ELP4: variants seen among roughly 807,000 people sequenced by gnomAD.
ELP4 encodes elongator complex protein 4.
In ELP4, 51 loss-of-function variants were observed where a neutral mutation model predicts 48.9. The observed-to-expected ratio is 1.04, with a 90% CI of 0.83 to 1.32. The LOEUF (loss-of-function observed/expected upper bound fraction) is 1.32. ELP4 is among the 40% of genes most tolerant of loss of function. ELP4 has a pLI of 0.00. For synonymous variants in ELP4, 210 were observed against 189.2 expected (o/e 1.11, Z -0.90); for missense variants, 519 against 514.6 (o/e 1.01, Z -0.08).
intron 9 of ELP4, among the ~76,000 whole-genome samples, chr11:31,695,302 C>A (rs1049384538): frequency 6.6e-6 from 1 of 151,972 alleles, no homozygotes; most frequent in African/African-American, 2.4e-5. Flanking sequence ...TTTGTCATAA[C>A]TAGCTCTTAT....
chr11:31,550,970 G>A (rs977429068), intron 3 of ELP4, among the ~76,000 whole-genome samples: 11 of 151,926 alleles, frequency 7.2e-5, no homozygotes, highest in Non-Finnish European at 1.3e-4. Context: ...TTTTTCTTCC[G>A]GATCATACTG....
At chr11:31,740,523 T>C (rs1035576735) in intron 9 of ELP4, among the ~76,000 whole-genome samples, 4 of 152,190 alleles carry the variant, frequency 2.6e-5, no homozygotes, top group African/African-American at 9.6e-5. Flanking sequence ...TGCAATTAAG[T>C]CTGTGGTGCC....
Position 31,540,482 on chromosome 11 carries a change from AT to A in ELP4, c.381+707del, listed in dbSNP as rs533020484. Among the ~76,000 whole-genome samples, 552 of 152,046 alleles carry A rather than the reference AT, an allele frequency of 3.6e-3. 2 individuals are homozygous for A. The highest frequency in any genetic ancestry group is 0.012 in the African/African-American group (506 of 41,474). On this transcript the variant is annotated intron_variant, in intron 3 of 9. Coordinates refer to ENST00000640961, the MANE Select transcript of ELP4 (RefSeq NM_019040.5). ...CCATTTTTACTGCAAGCTTTAGGCAATTTTTTTTCTTTTAATTTTGAAGAGA... is the reference window on the plus strand; with the variant it reads ...CCATTTTTACTGCAAGCTTTAGGCAATTTTTTTCTTTTAATTTTGAAGAGA...
intron 5 of ELP4, among the ~76,000 whole-genome samples, chr11:31,619,344 C>T (rs917674793): frequency 3.3e-5 from 5 of 151,964 alleles, no homozygotes; most frequent in South Asian, 2.1e-4. Context: ...TTTGGCTACA[C>T]GTGCTGAGAA....
At chr11:31,709,934 GC>G (rs1240613075) in intron 9 of ELP4, among the ~76,000 whole-genome samples, 1 of 152,132 alleles carries the variant, frequency 6.6e-6, no homozygotes, top group African/African-American at 2.4e-5. Flanking sequence ...CTCTGATCAT[GC>G]TATTATATAC....
intron 3 of ELP4, among the ~76,000 whole-genome samples, chr11:31,569,039 C>T (rs1219762743): frequency 1.3e-5 from 2 of 150,988 alleles, no homozygotes; most frequent in Non-Finnish European, 2.9e-5. Context: ...GAGCCGAGAT[C>T]GTGCCACTGC....
At chr11:31,761,751 A>G (rs1947950748) in intron 9 of ELP4, among the ~76,000 whole-genome samples, 1 of 152,194 alleles carries the variant, frequency 6.6e-6, no homozygotes, top group African/African-American at 2.4e-5. Flanking sequence ...GACAGTTGGC[A>G]TGTATGTAGG....
chr11:31,538,696 A>G (rs1183892277), intron 2 of ELP4, among the ~76,000 whole-genome samples: 1 of 151,766 alleles, frequency 6.6e-6, no homozygotes, highest in Non-Finnish European at 1.5e-5. Flanking sequence ...TCTAATATAA[A>G]TGTATATTCT....
intron 3 of ELP4, among the ~76,000 whole-genome samples, chr11:31,553,725 AACACACACACACACACAC>A (rs56921821): frequency 2.8e-5 from 4 of 140,502 alleles, no homozygotes; most frequent in South Asian, 4.6e-4. Flanking sequence ...TGCACACACA[AACACACACACACACACAC>A]ACACACACAC....
At chr11:31,647,892 T>C in intron 8 of ELP4, 43 bp downstream of exon 8, 1 of 1,195,510 alleles carries the variant, frequency 8.4e-7, no homozygotes, top group Non-Finnish European at 1.2e-6. Flanking sequence ...AGCAGGCTGC[T>C]TCTAGGTTAC....
rs758287500 is a variant in ELP4, at chr11:31,509,888, G to C, written c.104G>C (p.Arg35Thr). ...NVTSFQRRGP[R>T]ASVTNDSGPR... The stretch of plus-strand genomic sequence containing the variant: ...ACCAGTTTCCAGAGGAGGGGTCCTA[G>C]AGCCAGCGTGACCAACGACAGCGGC... Residue 35 changes from arginine (R) to threonine (T), a missense_variant, in exon 1 of 10, where the codon AGA (arginine) becomes ACA (threonine). Physicochemically the swap from Arg to Thr is moderately conservative, Grantham distance 71. Coordinates refer to ENST00000640961, the MANE Select transcript of ELP4 (RefSeq NM_019040.5). 5 of 1,614,162 alleles carry C rather than the reference G, an allele frequency of 3.1e-6. No homozygotes were observed. In the East Asian group the frequency reaches 1.1e-4, roughly 36 times the overall value.
intron 9 of ELP4, among the ~76,000 whole-genome samples, chr11:31,660,803 C>T (rs1050212123): frequency 2.0e-5 from 3 of 151,610 alleles, no homozygotes; most frequent in Non-Finnish European, 4.4e-5. Context: ...ATTTGTCATG[C>T]ATAAGTATGA....
chr11:31,612,294 A>G (rs557888022), intron 5 of ELP4, among the ~76,000 whole-genome samples: 1 of 152,354 alleles, frequency 6.6e-6, no homozygotes, highest in African/African-American at 2.4e-5. Flanking sequence ...TAGTGAAATA[A>G]TAGGCATAGC....
chr11:31,732,962 CAAT>C (rs1309666300), intron 9 of ELP4, among the ~76,000 whole-genome samples: 1 of 152,034 alleles, frequency 6.6e-6, no homozygotes, highest in Non-Finnish European at 1.5e-5. Context: ...TGCAGCAAGA[CAAT>C]AATAGTAGGA....
intron 3 of ELP4, among the ~76,000 whole-genome samples, chr11:31,561,866 G>A (rs1957030138): frequency 6.6e-6 from 1 of 152,142 alleles, no homozygotes; most frequent in African/African-American, 2.4e-5. Context: ...CATACTACAT[G>A]CAGGGTTGTT....
chr11:31,528,477 T>C (rs373187981), intron 2 of ELP4, among the ~76,000 whole-genome samples: 31 of 152,178 alleles, frequency 2.0e-4, no homozygotes, highest in African/African-American at 6.5e-4. Context: ...AAATTTGCTA[T>C]TTTACTTTTC....
In ELP4 at chr11:31,732,481, A is replaced by AT. The variant is rs577847187; in HGVS notation, c.1144-50912_1144-50911insT. Among the ~76,000 whole-genome samples the AT allele has an allele frequency of 7.7e-4, 112 of 146,000 alleles. 1 individual carries two copies. The highest frequency in any genetic ancestry group is 2.3e-3 in the South Asian group (11 of 4,800). ...CAAAGCATGTCACTAAAAAAAAAAAAAATAAATGAAAACAGAAAGGAAAAC... is the reference window on the plus strand; with the variant it reads ...CAAAGCATGTCACTAAAAAAAAAAAATAATAAATGAAAACAGAAAGGAAAAC... On this transcript the variant is annotated intron_variant, in intron 9 of 9. Coordinates refer to ENST00000640961, the MANE Select transcript of ELP4 (RefSeq NM_019040.5).
At chr11:31,540,064 G>A (rs1956568347) in intron 3 of ELP4, among the ~76,000 whole-genome samples, 2 of 152,092 alleles carry the variant, frequency 1.3e-5, no homozygotes, top group South Asian at 4.1e-4. Context: ...ACTAGACCAG[G>A]CATTCACAAA....
chr11:31,545,377 G>T (rs1336317244), intron 3 of ELP4, among the ~76,000 whole-genome samples: 1 of 152,098 alleles, frequency 6.6e-6, no homozygotes, highest in Non-Finnish European at 1.5e-5. Flanking sequence ...TGGAAGAAAG[G>T]GTATCAGCGA....
Sources: gnomAD v4.1 joint callset for allele counts (sites outside exome capture counted in the v4.1 genomes callset) on GRCh38, gnomAD v4.1.1 for gene constraint, MANE v1.5 for transcripts, NCBI Gene and HGNC (gene_info 2026-07-23, HGNC 2026-07-21) for gene names.